SAMMSON: variants seen among roughly 807,000 people sequenced by gnomAD.
SAMMSON encodes the protein survival associated mitochondrial melanoma specific oncogenic non-coding RNA, also known as long intergenic non-protein coding RNA 1212.
At chr3:70,306,992 T>A (rs35386450) in intron 7 of SAMMSON, among the ~76,000 whole-genome samples, 1 of 151,812 alleles carries the variant, frequency 6.6e-6, no homozygotes, top group Non-Finnish European at 1.5e-5. Context: ...TTTATATATA[T>A]AGAGAGAGAG....
intron 3 of SAMMSON, among the ~76,000 whole-genome samples, chr3:70,028,608 T>G (rs1477623801): frequency 6.6e-6 from 1 of 152,152 alleles, no homozygotes; most frequent in Non-Finnish European, 1.5e-5. Flanking sequence ...AGAGGTAAAA[T>G]GAAATATTTA....
intron 7 of SAMMSON, among the ~76,000 whole-genome samples, chr3:70,297,035 C>T (rs989120799): frequency 2.6e-5 from 4 of 151,994 alleles, no homozygotes; most frequent in African/African-American, 9.7e-5. Context: ...ATGGCTTAAC[C>T]AAGGTGTGCT....
chr3:70,307,408 G>A (rs949348629), intron 7 of SAMMSON, among the ~76,000 whole-genome samples: 1 of 152,010 alleles, frequency 6.6e-6, no homozygotes, highest in African/African-American at 2.4e-5. Flanking sequence ...TTTCTCTTCC[G>A]TATCAAATGG....
intron 4 of SAMMSON, among the ~76,000 whole-genome samples, chr3:70,157,823 G>T (rs531464450): frequency 2.0e-5 from 3 of 152,162 alleles, no homozygotes; most frequent in Admixed American, 6.5e-5. Context: ...CAATTTTACA[G>T]ATGAATATTA....
intron 4 of SAMMSON, among the ~76,000 whole-genome samples, chr3:70,133,753 G>A (rs1001735415): frequency 6.6e-6 from 1 of 152,124 alleles, no homozygotes. Context: ...AAGAATTGAT[G>A]TGTACTGAGG....
At chr3:70,255,483 A>G (rs1227382133) in intron 6 of SAMMSON, among the ~76,000 whole-genome samples, 4 of 152,136 alleles carry the variant, frequency 2.6e-5, no homozygotes, top group African/African-American at 9.7e-5. Flanking sequence ...AGGCAGTGGT[A>G]TGAGCACAGT....
intron 4 of SAMMSON, among the ~76,000 whole-genome samples, chr3:70,147,248 T>A (rs1032755566): frequency 1.3e-5 from 2 of 152,098 alleles, no homozygotes; most frequent in African/African-American, 4.8e-5. Flanking sequence ...TATTTCCTAA[T>A]TGATCTATAG....
intron 4 of SAMMSON, among the ~76,000 whole-genome samples, chr3:70,105,975 T>C (rs1240380473): frequency 6.6e-6 from 1 of 152,068 alleles, no homozygotes; most frequent in Non-Finnish European, 1.5e-5. Context: ...AACAACGATA[T>C]AGTTGGTGCT....
intron 7 of SAMMSON, among the ~76,000 whole-genome samples, chr3:70,331,166 T>C (rs1375147822): frequency 6.6e-6 from 1 of 152,204 alleles, no homozygotes; most frequent in Non-Finnish European, 1.5e-5. Flanking sequence ...TCTCATCCTA[T>C]TTTTCAGAAA....
intron 9 of SAMMSON, among the ~76,000 whole-genome samples, chr3:70,366,857 A>C (rs1303360533): frequency 6.6e-6 from 1 of 151,594 alleles, no homozygotes; most frequent in African/African-American, 2.4e-5. Flanking sequence ...TATATTTTGA[A>C]TTATAGCCAT....
intron 3 of SAMMSON, among the ~76,000 whole-genome samples, chr3:70,021,473 A>G (rs2067013193): frequency 6.6e-6 from 1 of 152,224 alleles, no homozygotes; most frequent in South Asian, 2.1e-4. Context: ...AAAATGAGGA[A>G]GTGGCAAAAT....
chr3:70,088,150 A>G (rs2067292432), intron 4 of SAMMSON, among the ~76,000 whole-genome samples: 1 of 152,174 alleles, frequency 6.6e-6, no homozygotes, highest in South Asian at 2.1e-4. Flanking sequence ...CTAGGGTTAC[A>G]GTATAGAGTT....
chr3:70,089,246 A>G (rs1576118883), intron 4 of SAMMSON, among the ~76,000 whole-genome samples: 1 of 152,172 alleles, frequency 6.6e-6, no homozygotes, highest in Non-Finnish European at 1.5e-5. Context: ...TAATACATAT[A>G]TACTGAAAAG....
At chr3:70,280,868 AG>A (rs1702075940) in intron 6 of SAMMSON, among the ~76,000 whole-genome samples, 15 of 152,276 alleles carry the variant, frequency 9.9e-5, no homozygotes, top group Admixed American at 7.2e-4. Context: ...GACGCTGCAC[AG>A]AAAGTCCAAG....
chr3:70,197,115 G>T (rs1046207804), intron 4 of SAMMSON: 7 of 398,466 alleles, frequency 1.8e-5, no homozygotes, highest in Non-Finnish European at 2.7e-5. Flanking sequence ...TTTCGCAGGT[G>T]CCGGGGAGCA....
At position 70,195,672 on chromosome 3, in the gene SAMMSON, T is replaced by C. The variant is rs556163025; in HGVS notation, n.508-53435T>C. 1.7e-3 allele frequency among the ~76,000 whole-genome samples: 253 copies of C among 152,342 alleles called. 3 individuals are homozygous for C. The highest frequency in any genetic ancestry group is 2.7e-3 in the Non-Finnish European group (184 of 68,028). On this transcript the variant is annotated intron_variant and non_coding_transcript_variant, in intron 4 of 9. Transcript: ENST00000642114. ...TCCATTTCACTTTTGTGTTCTTTGT[T>C]TGGTTACTCATGCATGATGCTTTTT...
chr3:70,103,288 G>C (rs2067353028), intron 4 of SAMMSON, among the ~76,000 whole-genome samples: 11 of 152,172 alleles, frequency 7.2e-5, no homozygotes, highest in Admixed American at 7.2e-4. Flanking sequence ...AAATATGCCA[G>C]ATTGCAATCA....
chr3:70,006,802 C>CCCACCCCACAACAGG (rs1485566627), intron 1 of SAMMSON, among the ~76,000 whole-genome samples: 1 of 122,090 alleles, frequency 8.2e-6, no homozygotes, highest in Non-Finnish European at 1.7e-5. Flanking sequence ...CCCCCCTCCC[C>CCCACCCCACAACAGG]CCACCCCACA....
At chr3:70,078,553 A>G (rs145548155) in intron 4 of SAMMSON, among the ~76,000 whole-genome samples, 353 of 152,090 alleles carry the variant, frequency 2.3e-3, no homozygotes, top group African/African-American at 8.2e-3. Flanking sequence ...TGGCCCGCCA[A>G]TTTTTCAGTG....
Sources: allele counts gnomAD v4.1 joint callset (sites outside exome capture counted in the v4.1 genomes callset), GRCh38; gene constraint gnomAD v4.1.1; transcripts MANE v1.5; gene names NCBI Gene and HGNC (gene_info 2026-07-23, HGNC 2026-07-21).